AAK1: variants seen among roughly 807,000 people sequenced by gnomAD.
AAK1 encodes AP2 associated kinase 1.
Under a neutral mutation model 116.0 loss-of-function variants are expected in AAK1, and 37 were observed. The ratio of observed to expected loss-of-function variants is 0.32; its 90% CI spans 0.25 to 0.42. AAK1 has a LOEUF of 0.42. Among genes scored for constraint, AAK1 ranks in the 10% least tolerant of loss-of-function variants. The pLI, the probability that AAK1 is intolerant of heterozygous loss-of-function variation, is 1.00. For missense variants in AAK1, 919 were observed against 1,170.6 expected, an observed-to-expected ratio of 0.79 and a Z score of 3.14; for synonymous variants, 458 against 439.9, an observed-to-expected ratio of 1.04 and a Z score of -0.51.
chr2:69,589,371 G>A (rs891906183), intron 2 of AAK1, among the ~76,000 whole-genome samples: 16 of 152,118 alleles, frequency 1.1e-4, no homozygotes, highest in Non-Finnish European at 1.9e-4. Context: ...GAGTCCTAGG[G>A]GCTGTGAACA....
chr2:69,466,837 C>CA lies in AAK1; in HGVS notation c.*9031dup. 1 of 985,414 alleles carries CA rather than the reference C, an allele frequency of 1.0e-6. No individual in the cohort carries two copies. Among genetic ancestry groups the CA allele is most frequent in the Non-Finnish European group, 1.2e-6 (1 of 829,934 alleles). 61.0% of individuals were successfully genotyped at this position (985,414 alleles called of 1,614,324 possible). A position where few individuals can be genotyped will look rare whatever the true frequency, so the allele number is the denominator to read the frequency against. On this transcript the variant is annotated 3_prime_UTR_variant, in exon 22 of 22. Transcript: ENST00000409085. The stretch of plus-strand genomic sequence containing the variant: ...CGTAACTATGCAATGCTCCTACACA[C>CA]AGGGCCAGGCACGGACACCTGCTCT...
intron 17 of AAK1, among the ~76,000 whole-genome samples, chr2:69,492,434 G>A (rs535773393): frequency 7.3e-5 from 11 of 151,284 alleles, no homozygotes; most frequent in Admixed American, 7.2e-4. Context: ...GATTGGCCTC[G>A]AACGCCTGAC....
At chr2:69,637,003 T>C (rs1178584359) in intron 2 of AAK1, among the ~76,000 whole-genome samples, 2 of 152,146 alleles carry the variant, frequency 1.3e-5, no homozygotes, top group Non-Finnish European at 2.9e-5. Context: ...CCCGGCCTAT[T>C]TTAGATAATT....
chr2:69,519,475 A>T (rs1359752258), intron 11 of AAK1, among the ~76,000 whole-genome samples: 2 of 152,178 alleles, frequency 1.3e-5, no homozygotes, highest in Non-Finnish European at 2.9e-5. Context: ...TCCTTAAGAA[A>T]GTCTTCCCTT....
intron 2 of AAK1, among the ~76,000 whole-genome samples, chr2:69,633,836 G>A (rs1675323928): frequency 6.6e-6 from 1 of 152,148 alleles, no homozygotes; most frequent in African/African-American, 2.4e-5. Context: ...AAGCTCACAG[G>A]GAGATTCAGC....
chr2:69,513,235 G>A (rs1021015407), intron 13 of AAK1, among the ~76,000 whole-genome samples: 31 of 152,120 alleles, frequency 2.0e-4, no homozygotes, highest in African/African-American at 7.0e-4. Context: ...GACAATCTAC[G>A]GCACTGCTTC....
Position 69,556,983 on chromosome 2 carries a change from G to A in AAK1, c.164-5C>T, listed in dbSNP as rs1671410333. 1 of 1,601,486 alleles carries A rather than the reference G, an allele frequency of 6.2e-7. No individual in the cohort carries two copies. On this transcript the variant is annotated splice_polypyrimidine_tract_variant and splice_region_variant and intron_variant, in intron 2 of 21. Transcript: ENST00000409085. ...GAAATACAATAGCAAATCCACCTGT[G>A]AGAGAAACACACACAAGCTCTTTTG...
rs915245332 is a variant in AAK1 at position 69,471,752 on chromosome 2, C to A, written c.*4117G>T. ...ATTTAGCTGAGTGCAGATCCCTCCA[C>A]ATCATAGGCTGTCAGCCCCAAAGAT... On this transcript the variant is annotated 3_prime_UTR_variant, in exon 22 of 22. Coordinates refer to ENST00000409085, the MANE Select transcript of AAK1 (RefSeq NM_014911.5). The A allele has an allele frequency of 5.1e-6, 5 of 985,356 alleles. No individual in the cohort carries two copies. The African/African-American group carries it at 8.7e-5, about 17-fold the overall frequency. 61.0% of individuals were successfully genotyped at this position (985,356 alleles called of 1,614,324 possible).
intron 2 of AAK1, among the ~76,000 whole-genome samples, chr2:69,615,670 G>A (rs940640499): frequency 3.9e-5 from 6 of 152,216 alleles, no homozygotes; most frequent in African/African-American, 1.4e-4. Context: ...GCAAGAAACT[G>A]TGACAGTCAA....
chr2:69,556,375 G>A (rs1417970813), intron 3 of AAK1, among the ~76,000 whole-genome samples: 1 of 151,924 alleles, frequency 6.6e-6, no homozygotes, highest in Non-Finnish European at 1.5e-5. Context: ...AGGTTTCCAG[G>A]CCAAAAAAGG....
intron 3 of AAK1, among the ~76,000 whole-genome samples, chr2:69,549,156 G>A (rs910704421): frequency 6.6e-6 from 1 of 152,088 alleles, no homozygotes; most frequent in Admixed American, 6.5e-5. Context: ...ATTACCTGAG[G>A]TCAGGAGTTC....
At chr2:69,496,185 T>A in intron 16 of AAK1, 105 bp from the exon 17 acceptor site, 3 of 742,128 alleles carry the variant, frequency 4.0e-6, no homozygotes, top group Middle Eastern at 2.8e-4. Context: ...ATGCAACAGT[T>A]CAAACTACAG....
intron 2 of AAK1, among the ~76,000 whole-genome samples, chr2:69,577,841 T>C (rs532358661): frequency 2.8e-4 from 42 of 152,094 alleles, no homozygotes; most frequent in East Asian, 2.7e-3. Flanking sequence ...GCTAGCGCTG[T>C]AGGTTGGGGA....
intron 9 of AAK1, among the ~76,000 whole-genome samples, chr2:69,526,765 C>A (rs1319805206): frequency 7.9e-5 from 12 of 152,292 alleles, no homozygotes; most frequent in East Asian, 1.9e-4. Context: ...AAATGGCCAA[C>A]AGCAGAAGCA....
chr2:69,565,303 T>C (rs187325287), intron 2 of AAK1, among the ~76,000 whole-genome samples: 1 of 152,348 alleles, frequency 6.6e-6, no homozygotes, highest in East Asian at 1.9e-4. Context: ...GAGCTCCTGA[T>C]TTAAAAATCA....
At position 69,458,575 on chromosome 2, in the gene AAK1, TGA is replaced by T. The variant is rs769173300; in HGVS notation, c.*17292_*17293del. ...CGCGAAGAACTCCAGTTGTAACTTT[TGA>T]GAGTTTTTTTGGCAAAAGGAACTAC... is the stretch of plus-strand genomic sequence containing the variant. On this transcript the variant is annotated 3_prime_UTR_variant, in exon 22 of 22. Coordinates refer to ENST00000409085, the MANE Select transcript of AAK1 (RefSeq NM_014911.5). 1 of 152,662 alleles carries T rather than the reference TGA, an allele frequency of 6.6e-6. No individual in the cohort carries two copies. The highest frequency in any genetic ancestry group is 1.9e-4 in the East Asian group (1 of 5,204). The allele number at this position is 152,662 out of a possible 1,614,324, so 9.5% of individuals were successfully genotyped here.
chr2:69,551,929 C>T (rs924261587), intron 3 of AAK1, among the ~76,000 whole-genome samples: 60 of 152,298 alleles, frequency 3.9e-4, no homozygotes, highest in Admixed American at 1.3e-3. Flanking sequence ...GCAACGTGCC[C>T]GTTGTTCTGC....
At position 69,518,357 on chromosome 2, in the gene AAK1, G is replaced by A. The variant is rs574895903; in HGVS notation, c.1497+597C>T. ...TTTTTTCCTCTCTTATGATAATGGT[G>A]TTACAGTTGTATTAGAAAAAAGAAG... On this transcript the variant is annotated intron_variant, in intron 12 of 21. Transcript: ENST00000409085. 7.4e-5 allele frequency among the ~76,000 whole-genome samples: 11 copies of A among 148,906 alleles called. No individual in the cohort carries two copies. In the South Asian group the frequency reaches 2.3e-3, roughly 31 times the overall value.
At chr2:69,607,599 G>C (rs543030598) in intron 2 of AAK1, among the ~76,000 whole-genome samples, 3 of 152,114 alleles carry the variant, frequency 2.0e-5, no homozygotes, top group African/African-American at 7.2e-5. Flanking sequence ...CATGGCCATC[G>C]AGAGGTGGGA....
Sources: allele counts gnomAD v4.1 joint callset (sites outside exome capture counted in the v4.1 genomes callset), GRCh38; gene constraint gnomAD v4.1.1; transcripts MANE v1.5; gene names NCBI Gene and HGNC (gene_info 2026-07-23, HGNC 2026-07-21).